CD300LD: variants seen among roughly 807,000 people sequenced by gnomAD.
CD300LD encodes the protein CMRF35-like molecule 5.
A neutral mutation model predicts 20.3 loss-of-function variants in CD300LD; 18 were observed. The observed-to-expected ratio is 0.89, with a 90% CI of 0.61 to 1.32. The LOEUF (loss-of-function observed/expected upper bound fraction) is 1.32. Ranked by LOEUF, CD300LD falls within the 40% of genes most tolerant of loss-of-function variation. CD300LD has a pLI of 0.00. For synonymous variants in CD300LD, 104 were observed against 90.1 expected (o/e 1.15, Z -0.87); for missense variants, 195 against 226.6 (o/e 0.86, Z 0.90).
downstream of CD300LD, among the ~76,000 whole-genome samples, chr17:74,578,791 G>A (rs1210524037): frequency 6.6e-6 from 1 of 152,138 alleles, no homozygotes; most frequent in African/African-American, 2.4e-5. Context: ...CTGTTATTTA[G>A]CCTCTGTCTT....
rs1218646658 is a variant in CD300LD, at chr17:74,579,720, C to CA, written c.*281dup. 2.3e-5 allele frequency: 5 copies of CA among 219,524 alleles called. No individual in the cohort carries two copies. Among genetic ancestry groups the CA allele is most frequent in the South Asian group, 7.0e-5 (1 of 14,328 alleles). The allele number at this position is 219,524 out of a possible 1,614,324, so 13.6% of individuals were successfully genotyped here. ...GCAACGTGGTGGAAGCCCATCTCTA[C>CA]AAAAAAATTTAAAAATTAGCTGGGG... On this transcript the variant is annotated 3_prime_UTR_variant, in exon 4 of 4. Transcript: ENST00000375352.
intron 3 of CD300LD, 29 bp downstream of exon 3, chr17:74,582,189 C>T (rs200545909): frequency 7.7e-5 from 123 of 1,604,902 alleles, no homozygotes; most frequent in Admixed American, 2.8e-4. Context: ...CAGGCCTGTG[C>T]GAAAGTGGTG....
In CD300LD at chr17:74,580,074, G is replaced by A. The variant is rs2029999698; in HGVS notation, c.513C>T (p.Leu171=). The part of the protein sequence containing the change: ...LKSTHFLFLF[L]LELPLLLSML... ...TGCTCAGGAGCAGAGGCAGCTCCAG[G>A]AGGAACAGGAACAGGAAGTGGGTGC... The change falls in exon 4 of 4, where the codon CTC becomes CTT. Residue 171 remains leucine (L), a synonymous_variant. Coordinates refer to ENST00000375352, the MANE Select transcript of CD300LD (RefSeq NM_001115152.2). 2 of 1,613,370 alleles carry A rather than the reference G, an allele frequency of 1.2e-6. No individual in the cohort carries two copies. The highest frequency in any genetic ancestry group is 1.7e-6 in the Non-Finnish European group (2 of 1,179,612).
At chr17:74,582,115 G>T in intron 3 of CD300LD, 103 bp downstream of exon 3, 1 of 784,592 alleles carries the variant, frequency 1.3e-6, no homozygotes, top group African/African-American at 1.7e-5. Flanking sequence ...GTCTGAAATT[G>T]CAGTGTAACT....
In CD300LD at chr17:74,588,701, G is replaced by A. The variant is rs1568023862; in HGVS notation, c.189C>T (p.Ile63=). The A allele has an allele frequency of 1.9e-6, 3 of 1,614,070 alleles. No homozygotes were observed. Among genetic ancestry groups the A allele is most frequent in the Non-Finnish European group, 2.5e-6 (3 of 1,180,044 alleles). ...CQGADWNYCN[I]LVKTNGSEQE... Reference sequence around the variant, plus strand: ...GCTCTGATCCATTTGTTTTAACAAGGATGTTACAGTAATTCCAATCAGCTC... The same window carrying A: ...GCTCTGATCCATTTGTTTTAACAAGAATGTTACAGTAATTCCAATCAGCTC... The change falls in exon 2 of 4, where the codon ATC becomes ATT. Residue 63 remains isoleucine (I), a synonymous_variant. Coordinates refer to ENST00000375352, the MANE Select transcript of CD300LD (RefSeq NM_001115152.2).
chr17:74,589,937 C>T (rs2030266101), intron 1 of CD300LD, among the ~76,000 whole-genome samples: 1 of 152,194 alleles, frequency 6.6e-6, no homozygotes, highest in Non-Finnish European at 1.5e-5. Flanking sequence ...TCAGGCTGTG[C>T]CAGAGTGCTT....
intron 1 of CD300LD, among the ~76,000 whole-genome samples, chr17:74,589,173 T>G (rs1452601280): frequency 6.6e-6 from 1 of 152,258 alleles, no homozygotes; most frequent in Non-Finnish European, 1.5e-5. Context: ...ACCATCTTTG[T>G]GTTATACTGG....
intron 1 of CD300LD, among the ~76,000 whole-genome samples, chr17:74,591,817 CAAAAA>C (rs140652199): frequency 2.3e-5 from 3 of 132,126 alleles, no homozygotes; most frequent in Non-Finnish European, 3.2e-5. Flanking sequence ...GACACCAGCT[CAAAAA>C]AAAAAAAAAA....
intron 2 of CD300LD, among the ~76,000 whole-genome samples, chr17:74,584,071 A>T (rs577300302): frequency 3.3e-5 from 5 of 152,240 alleles, no homozygotes; most frequent in Non-Finnish European, 5.9e-5. Context: ...TCACATTTTT[A>T]AAAAAATCCA....
In CD300LD at chr17:74,588,659, A is replaced by T; in HGVS notation, c.231T>A (p.Asn77Lys). Residue 77 changes from asparagine to lysine, a missense_variant, in exon 2 of 4, where the codon AAT becomes AAA. Physicochemically the swap from Asn to Lys is moderately conservative, Grantham distance 94. Coordinates refer to ENST00000375352, the MANE Select transcript of CD300LD (RefSeq NM_001115152.2). ...TNGSEQEVKKNRVSIRDNQKN... is the reference protein window; with the variant it reads ...TNGSEQEVKKKRVSIRDNQKN... ...TCTGATTGTCCCTGATGGAAACTCG[A>T]TTCTTCTTTACCTCCTGCTCTGATC... The T allele has an allele frequency of 6.2e-7, 1 of 1,614,164 alleles. No individual in the cohort carries two copies. The highest frequency in any genetic ancestry group is 8.5e-7 in the Non-Finnish European group (1 of 1,180,036).
rs752277663 is a variant in CD300LD at position 74,588,533 on chromosome 17, T to C, written c.357A>G (p.Lys119=). 6.2e-6 allele frequency: 10 copies of C among 1,612,204 alleles called. No homozygotes were observed. Among genetic ancestry groups the C allele is most frequent in the Non-Finnish European group, 8.5e-6 (10 of 1,178,778 alleles). Residue 119 remains lysine (K), a synonymous_variant, in exon 2 of 4, where the codon AAA becomes AAG. Transcript: ENST00000375352. ...TACCTGGGTTAATGGTCACTTGAAC[T>C]TTGACCCCAAGATCAATTCCAGGTC... ...TERPGIDLGV[K]VQVTINPGTQ...
Position 74,588,729 on chromosome 17 carries a change from T to C in CD300LD, c.161A>G (p.Gln54Arg). The stretch of plus-strand genomic sequence containing the variant: ...GTTACAGTAATTCCAATCAGCTCCT[T>C]GACACCGCCACTTCAAGTAGGTCTC... ...GWETYLKWRC[Q>R]GADWNYCNIL... Residue 54 changes from glutamine (Q) to arginine (R), a missense_variant, in exon 2 of 4, where the codon CAA becomes CGA. By Grantham distance (43) the Gln-to-Arg change is conservative. Coordinates refer to ENST00000375352, the MANE Select transcript of CD300LD (RefSeq NM_001115152.2). The C allele has an allele frequency of 6.2e-7, 1 of 1,614,240 alleles. No homozygotes were observed. The highest frequency in any genetic ancestry group is 8.5e-7 in the Non-Finnish European group (1 of 1,180,028).
Position 74,582,289 on chromosome 17 carries a change from T to C in CD300LD, c.402A>G (p.Glu134=), listed in dbSNP as rs776655511. Residue 134 remains glutamate, a synonymous_variant, in exon 3 of 4, where the codon GAA becomes GAG. Transcript: ENST00000375352. Reference sequence around the variant, plus strand: ...CCAGGCTTGCTGTTGTGGTTGTCCATTCTGAGACTGCAGTTTGTGTGCCTA... The same window carrying C: ...CCAGGCTTGCTGTTGTGGTTGTCCACTCTGAGACTGCAGTTTGTGTGCCTA... ...INPGTQTAVS[E]WTTTTASLAF... The C allele has an allele frequency of 3.1e-6, 5 of 1,613,680 alleles. No individual in the cohort carries two copies. The Admixed American group carries it at 8.3e-5, about 27-fold the overall frequency.
intron 1 of CD300LD, among the ~76,000 whole-genome samples, chr17:74,591,359 T>C (rs1183607955): frequency 6.6e-6 from 1 of 151,334 alleles, no homozygotes; most frequent in African/African-American, 2.4e-5. Flanking sequence ...GATCTGAGTA[T>C]AGATAATATG....
At chr17:74,586,375 C>G (rs186339395) in intron 2 of CD300LD, among the ~76,000 whole-genome samples, 1 of 152,116 alleles carries the variant, frequency 6.6e-6, no homozygotes, top group Non-Finnish European at 1.5e-5. Context: ...TACCGTCAGA[C>G]CTTTGGGCAG....
rs371226315 is a variant in CD300LD, at chr17:74,588,721, C to T, written c.169G>A (p.Asp57Asn). Residue 57 changes from aspartate (D) to asparagine (N), a missense_variant, in exon 2 of 4, where the codon GAT becomes AAT. Coordinates refer to ENST00000375352, the MANE Select transcript of CD300LD (RefSeq NM_001115152.2). ...ACAAGGATGTTACAGTAATTCCAAT[C>T]AGCTCCTTGACACCGCCACTTCAAG... ...TYLKWRCQGA[D>N]WNYCNILVKT... is the part of the protein sequence containing the mutation. 2.7e-5 allele frequency: 43 copies of T among 1,614,078 alleles called. No individual in the cohort carries two copies. The highest frequency in any genetic ancestry group is 3.6e-5 in the Non-Finnish European group (43 of 1,180,044).
Position 74,580,033 on chromosome 17 carries a change from A to G in CD300LD, c.554T>C (p.Leu185Pro), listed in dbSNP as rs2029998842. Residue 185 changes from leucine (L) to proline (P), a missense_variant, in exon 4 of 4, where the codon CTC becomes CCC. Physicochemically the swap from Leu to Pro is moderately conservative, Grantham distance 98. Coordinates refer to ENST00000375352, the MANE Select transcript of CD300LD (RefSeq NM_001115152.2). ...PLLLSMLGTV[L>P]WVNRPQRRS is the part of the protein sequence containing the mutation. Reference sequence around the variant, plus strand: ...CCTTCTTTGTGGTCTGTTTACCCAGAGGACGGTCCCCAGCATGCTCAGGAG... The same window carrying G: ...CCTTCTTTGTGGTCTGTTTACCCAGGGGACGGTCCCCAGCATGCTCAGGAG... 6.2e-7 allele frequency: 1 copy of G among 1,613,056 alleles called. No individual in the cohort carries two copies. The highest frequency in any genetic ancestry group is 8.5e-7 in the Non-Finnish European group (1 of 1,179,580).
chr17:74,590,083 G>A (rs570745700), intron 1 of CD300LD, among the ~76,000 whole-genome samples: 1 of 152,016 alleles, frequency 6.6e-6, no homozygotes, highest in African/African-American at 2.4e-5. Flanking sequence ...CACATGTTGT[G>A]GGGGGCACCA....
chr17:74,582,259 G>C lies in CD300LD; in HGVS notation c.432C>G (p.Phe144Leu). 6.2e-7 allele frequency: 1 copy of C among 1,613,908 alleles called. No homozygotes were observed. The highest frequency in any genetic ancestry group is 1.1e-5 in the South Asian group (1 of 91,068). ...EWTTTTASLA[F>L]TAAATQKTSS... Reference sequence around the variant, plus strand: ...TGGTCTTCTGGGTGGCTGCAGCTGTGAAAGCCAGGCTTGCTGTTGTGGTTG... The same window carrying C: ...TGGTCTTCTGGGTGGCTGCAGCTGTCAAAGCCAGGCTTGCTGTTGTGGTTG... The change falls in exon 3 of 4, where the codon TTC becomes TTG. Residue 144 changes from phenylalanine (F) to leucine (L), a missense_variant. Coordinates refer to ENST00000375352, the MANE Select transcript of CD300LD (RefSeq NM_001115152.2).
Sources: gnomAD v4.1 joint callset for allele counts (sites outside exome capture counted in the v4.1 genomes callset) on GRCh38, gnomAD v4.1.1 for gene constraint, MANE v1.5 for transcripts, NCBI Gene and HGNC (gene_info 2026-07-23, HGNC 2026-07-21) for gene names.